The following MAGEB10 variants were observed in gnomAD, a reference collection of about 807,000 sequenced individuals.
MAGEB10 encodes the protein melanoma-associated antigen B10.
For synonymous variants in MAGEB10, 99 were observed against 101.0 expected (o/e 0.98, Z 0.12); for missense variants, 190 against 261.9 (o/e 0.73, Z 1.89).
chrX:27,808,822 A>G (rs775640087), intron 1 of MAGEB10, among the ~76,000 whole-genome samples: 17 of 111,899 alleles, frequency 1.5e-4, no homozygotes, highest in Non-Finnish European at 2.8e-4. Context: ...ACCGGTCCCC[A>G]CAGAGCCCAG....
Position 27,821,655 on chromosome X carries a change from A to G in MAGEB10, c.349A>G (p.Ile117Val). 1.7e-6 allele frequency: 2 copies of G among 1,211,252 alleles called. 1 individual carries two copies. Among genetic ancestry groups the G allele is most frequent in the Non-Finnish European group, 2.2e-6 (2 of 895,114 alleles). ...AGGCCCTGTAGATGAGAAAGTAATT[A>G]TATTGGTGCATTACTTGCTGTACAA... ...PRGPVDEKVI[I>V]LVHYLLYKYQ... Residue 117 changes from isoleucine (I) to valine (V), a missense_variant, in exon 3 of 3, where the codon ATA becomes GTA. Physicochemically the swap from Ile to Val is conservative, Grantham distance 29. Coordinates refer to ENST00000356790, the MANE Select transcript of MAGEB10 (RefSeq NM_182506.3).
Position 27,821,963 on chromosome X carries a change from T to A in MAGEB10, c.657T>A (p.Ala219=). 8.3e-7 allele frequency: 1 copy of A among 1,211,902 alleles called. No homozygotes were observed. The highest frequency in any genetic ancestry group is 1.1e-6 in the Non-Finnish European group (1 of 895,590). Residue 219 remains alanine (A), a synonymous_variant, in exon 3 of 3, where the codon GCT becomes GCA. Coordinates refer to ENST00000356790, the MANE Select transcript of MAGEB10 (RefSeq NM_182506.3). ...GIIFTNGNCV[A]EEEVWKVFNT... Reference sequence around the variant, plus strand: ...TCTTCACAAATGGCAATTGTGTCGCTGAGGAGGAAGTCTGGAAAGTGTTTA... The same window carrying A: ...TCTTCACAAATGGCAATTGTGTCGCAGAGGAGGAAGTCTGGAAAGTGTTTA...
At chrX:27,813,126 T>A (rs1205849070) in intron 1 of MAGEB10, among the ~76,000 whole-genome samples, 1 of 112,215 alleles carries the variant, frequency 8.9e-6, no homozygotes, top group Non-Finnish European at 1.9e-5. Context: ...CATTTATTGA[T>A]GTTTGTGAGG....
chrX:27,809,410 C>T (rs1051775824), intron 1 of MAGEB10, among the ~76,000 whole-genome samples: 4 of 41,985 alleles, frequency 9.5e-5, no homozygotes, highest in African/African-American at 2.2e-4. Context: ...CCTCCAACCC[C>T]GCCAGCCCCC....
At chrX:27,810,987 C>T (rs1392940825) in intron 1 of MAGEB10, among the ~76,000 whole-genome samples, 1 of 104,124 alleles carries the variant, frequency 9.6e-6, no homozygotes, top group Non-Finnish European at 2.0e-5. Flanking sequence ...ACGCACCCCA[C>T]CCCCTCCCTC....
At chrX:27,819,575 T>C (rs985073219) in intron 2 of MAGEB10, among the ~76,000 whole-genome samples, 1 of 111,517 alleles carries the variant, frequency 9.0e-6, no homozygotes, top group Admixed American at 9.5e-5. Context: ...TGGGAGACCC[T>C]GGACAGGGAT....
intron 1 of MAGEB10, among the ~76,000 whole-genome samples, chrX:27,813,760 C>G (rs1923732628): frequency 9.0e-6 from 1 of 111,696 alleles, no homozygotes; most frequent in South Asian, 3.8e-4. Context: ...TGTGGGAGTA[C>G]AGAGCAGGGG....
intron 1 of MAGEB10, among the ~76,000 whole-genome samples, chrX:27,816,771 T>C: frequency 8.9e-6 from 1 of 112,019 alleles, no homozygotes; most frequent in Non-Finnish European, 1.9e-5. Flanking sequence ...TATTTGATAT[T>C]CTCAGAAACT....
Position 27,821,437 on chromosome X carries a change from CTTGTTTGAAGGATGTTTT to C in MAGEB10, c.132_149del (p.Cys45_Phe50del), listed in dbSNP as rs1923884479. 1 of 1,209,478 alleles carries C rather than the reference CTTGTTTGAAGGATGTTTT, an allele frequency of 8.3e-7. No individual in the cohort carries two copies. Among genetic ancestry groups the C allele is most frequent in the African/African-American group, 1.8e-5 (1 of 57,009 alleles). ...GAAGAATCTCCCCCCTCTGCCTCTG[CTTGTTTGAAGGATGTTTT>C]CCAGAGTTCACTTGATGGGGCATCC... On this transcript the variant is annotated inframe_deletion, in exon 3 of 3. Coordinates refer to ENST00000356790, the MANE Select transcript of MAGEB10 (RefSeq NM_182506.3).
At chrX:27,818,466 G>T (rs915840338) in intron 2 of MAGEB10, among the ~76,000 whole-genome samples, 1 of 109,374 alleles carries the variant, frequency 9.1e-6, no homozygotes, top group East Asian at 2.9e-4. Context: ...ATTCAAGGAG[G>T]GGGGAATTGG....
chrX:27,822,514 A>C lies in MAGEB10; in HGVS notation c.*164A>C. On this transcript the variant is annotated 3_prime_UTR_variant, in exon 3 of 3. Coordinates refer to ENST00000356790, the MANE Select transcript of MAGEB10 (RefSeq NM_182506.3). Reference sequence around the variant, plus strand: ...GATGTTGTTCCTTTAATAGATGGTTAAAGTAGCTTCACTATCTAAGTTTAT... The same window carrying C: ...GATGTTGTTCCTTTAATAGATGGTTCAAGTAGCTTCACTATCTAAGTTTAT... 6.2e-6 allele frequency: 3 copies of C among 480,800 alleles called. No individual in the cohort carries two copies. In the South Asian group the frequency reaches 1.5e-4, roughly 23 times the overall value. The allele number at this position is 480,800 out of a possible 1,213,427, so 39.6% of individuals were successfully genotyped here.
chrX:27,813,283 G>C (rs1313810543), intron 1 of MAGEB10, among the ~76,000 whole-genome samples: 1 of 112,062 alleles, frequency 8.9e-6, no homozygotes, highest in African/African-American at 3.3e-5. Context: ...TTGGGATGAA[G>C]AAATAGAGGT....
At chrX:27,809,124 C>G (rs1165881617) in intron 1 of MAGEB10, among the ~76,000 whole-genome samples, 2 of 111,863 alleles carry the variant, frequency 1.8e-5, no homozygotes, top group African/African-American at 6.5e-5. Context: ...TCTCAGCTTG[C>G]AGGGAGGTGT....
In MAGEB10 at chrX:27,821,455, T is replaced by C. The variant is rs1368769; in HGVS notation, c.149T>C (p.Phe50Ser). 0.49 allele frequency: 597,560 copies of C among 1,207,488 alleles called. 104,175 individuals carry two copies. Among genetic ancestry groups the C allele is most frequent in the Middle Eastern group, 0.56 (2,436 of 4,350 alleles). Reference protein sequence around the residue: ...PSASACLKDVFQSSLDGASNN... With the variant: ...PSASACLKDVSQSSLDGASNN... Reference sequence around the variant, plus strand: ...GCCTCTGCTTGTTTGAAGGATGTTTTCCAGAGTTCACTTGATGGGGCATCC... The same window carrying C: ...GCCTCTGCTTGTTTGAAGGATGTTTCCCAGAGTTCACTTGATGGGGCATCC... Residue 50 changes from phenylalanine to serine, a missense_variant, in exon 3 of 3, where the codon TTC becomes TCC. Transcript: ENST00000356790.
Position 27,821,783 on chromosome X carries a change from C to T in MAGEB10, c.477C>T (p.His159=), listed in dbSNP as rs1213719236. ...FPVILSRASE[H]LELIFGLDLK... The stretch of plus-strand genomic sequence containing the variant: ...TAATCCTGAGCAGAGCTTCTGAGCA[C>T]CTGGAGCTGATCTTTGGTCTTGACC... Residue 159 remains histidine (H), a synonymous_variant, in exon 3 of 3, where the codon CAC becomes CAT. Coordinates refer to ENST00000356790, the MANE Select transcript of MAGEB10 (RefSeq NM_182506.3). 2 of 1,211,793 alleles carry T rather than the reference C, an allele frequency of 1.7e-6. No individual in the cohort carries two copies. The highest frequency in any genetic ancestry group is 3.5e-5 in the South Asian group (2 of 57,004).
At chrX:27,809,063 C>T (rs1052941878) in intron 1 of MAGEB10, among the ~76,000 whole-genome samples, 5 of 112,669 alleles carry the variant, frequency 4.4e-5, no homozygotes, top group African/African-American at 6.4e-5. Flanking sequence ...TTCAGCCCAC[C>T]GCTGCACTGT....
Position 27,821,283 on chromosome X carries a change from C to T in MAGEB10, c.-24C>T. The T allele has an allele frequency of 8.5e-7, 1 of 1,179,079 alleles. No homozygotes were observed. Among genetic ancestry groups the T allele is most frequent in the Non-Finnish European group, 1.1e-6 (1 of 873,230 alleles). On this transcript the variant is annotated 5_prime_UTR_variant, in exon 3 of 3. Coordinates refer to ENST00000356790, the MANE Select transcript of MAGEB10 (RefSeq NM_182506.3). Reference sequence around the variant, plus strand: ...GTCACGGGATCACCTGCCTTTTTGGCTGCTGCACCTGAACAGAGTCATCAT... The same window carrying T: ...GTCACGGGATCACCTGCCTTTTTGGTTGCTGCACCTGAACAGAGTCATCAT...
intron 1 of MAGEB10, among the ~76,000 whole-genome samples, chrX:27,810,094 A>G (rs990118370): frequency 9.0e-6 from 1 of 111,641 alleles, no homozygotes; most frequent in African/African-American, 3.3e-5. Context: ...GGGTGGGGCC[A>G]GATAACAGAA....
chrX:27,821,855 A>G lies in MAGEB10; in HGVS notation c.549A>G (p.Lys183=). The part of the protein sequence containing the change: ...PNKHIYVLVN[K]LDLGCDAKLS... ...AGCACATCTATGTCCTTGTCAACAAACTAGATCTAGGCTGTGATGCAAAGC... is the reference window on the plus strand; with the variant it reads ...AGCACATCTATGTCCTTGTCAACAAGCTAGATCTAGGCTGTGATGCAAAGC... Residue 183 remains lysine (K), a synonymous_variant, in exon 3 of 3, where the codon AAA becomes AAG. Coordinates refer to ENST00000356790, the MANE Select transcript of MAGEB10 (RefSeq NM_182506.3). 1 of 1,211,446 alleles carries G rather than the reference A, an allele frequency of 8.3e-7. No individual in the cohort carries two copies. Among genetic ancestry groups the G allele is most frequent in the Non-Finnish European group, 1.1e-6 (1 of 895,477 alleles).
Sources: gnomAD v4.1 joint callset for allele counts (sites outside exome capture counted in the v4.1 genomes callset) on GRCh38, gnomAD v4.1.1 for gene constraint, MANE v1.5 for transcripts, NCBI Gene and HGNC (gene_info 2026-07-23, HGNC 2026-07-21) for gene names.